TENM2: variants seen among roughly 807,000 people sequenced by gnomAD.
TENM2 encodes the protein teneurin-2.
TENM2 carries 52 observed loss-of-function variants against 245.2 expected under a neutral mutation model. The ratio of observed to expected loss-of-function variants is 0.21; its 90% CI spans 0.17 to 0.27. The LOEUF (loss-of-function observed/expected upper bound fraction) is 0.27, where lower values mean the gene tolerates loss of function less well. Ranked by LOEUF, TENM2 falls within the 10% of genes least tolerant of loss-of-function variation. TENM2 has a pLI of 1.00. For synonymous variants in TENM2, 1,363 were observed against 1,438.9 expected (o/e 0.95, Z 1.19); for missense variants, 3,046 against 3,666.8 (o/e 0.83, Z 4.37).
chr5:167,464,244 T>TAGAG (rs373765222), intron 2 of TENM2, among the ~76,000 whole-genome samples: 109 of 150,824 alleles, frequency 7.2e-4, no homozygotes, highest in Middle Eastern at 3.4e-3. Context: ...AAAGATGCTT[T>TAGAG]AGAGAGAGAG....
chr5:167,161,175 T>G, the TENM2 span, among the ~76,000 whole-genome samples: 1 of 152,154 alleles, frequency 6.6e-6, no homozygotes, highest in Non-Finnish European at 1.5e-5. Flanking sequence ...GCATTGTGAC[T>G]CTCCAAAAAA....
At chr5:167,184,355 G>A in the TENM2 span, among the ~76,000 whole-genome samples, 16 of 152,142 alleles carry the variant, frequency 1.1e-4, no homozygotes, top group Non-Finnish European at 2.1e-4. Flanking sequence ...GCAATAGTTA[G>A]CATTTATAGA....
intron 2 of TENM2, among the ~76,000 whole-genome samples, chr5:167,584,545 A>G (rs185204513): frequency 6.6e-6 from 1 of 152,236 alleles, no homozygotes; most frequent in Non-Finnish European, 1.5e-5. Flanking sequence ...CAAAGGGAGA[A>G]GCCGGCTGAG....
chr5:168,075,343 G>A (rs1791377361), intron 7 of TENM2, among the ~76,000 whole-genome samples: 1 of 152,064 alleles, frequency 6.6e-6, no homozygotes, highest in Non-Finnish European at 1.5e-5. Context: ...TGATTGATGG[G>A]GATTTGGGCT....
chr5:167,650,131 C>G (rs1332167503), intron 2 of TENM2, among the ~76,000 whole-genome samples: 4 of 152,146 alleles, frequency 2.6e-5, no homozygotes, highest in African/African-American at 9.7e-5. Flanking sequence ...GCCACAGGGT[C>G]TTTTTCCATA....
intron 2 of TENM2, among the ~76,000 whole-genome samples, chr5:167,636,224 A>G (rs1779201366): frequency 6.6e-6 from 1 of 152,236 alleles, no homozygotes; most frequent in Non-Finnish European, 1.5e-5. Context: ...CATTCTAAGT[A>G]TTAATAATTA....
chr5:167,309,980 T>C (rs1755924699), intron 1 of TENM2: 1 of 152,218 alleles, frequency 6.6e-6, no homozygotes, highest in Admixed American at 6.5e-5. Flanking sequence ...ACAGAGAAAA[T>C]AGCATCCTGA....
At chr5:167,838,161 T>A (rs1434963960) in intron 2 of TENM2, among the ~76,000 whole-genome samples, 2 of 152,262 alleles carry the variant, frequency 1.3e-5, no homozygotes, top group Non-Finnish European at 2.9e-5. Flanking sequence ...AATCTGATGC[T>A]TGGTGATACA....
At chr5:167,511,702 GC>G (rs1332432088) in intron 2 of TENM2, among the ~76,000 whole-genome samples, 3 of 152,148 alleles carry the variant, frequency 2.0e-5, no homozygotes, top group African/African-American at 7.2e-5. Flanking sequence ...TGTGCCATAA[GC>G]ATTGCAAGAA....
At chr5:168,078,587 AT>A (rs1791691555) in intron 7 of TENM2, among the ~76,000 whole-genome samples, 1 of 152,114 alleles carries the variant, frequency 6.6e-6, no homozygotes, top group African/African-American at 2.4e-5. Context: ...TCTTTAATCC[AT>A]TTTGAATTAA....
intron 2 of TENM2, among the ~76,000 whole-genome samples, chr5:167,632,747 A>G (rs1404629163): frequency 2.0e-5 from 3 of 152,200 alleles, no homozygotes; most frequent in African/African-American, 7.2e-5. Flanking sequence ...TACCTGGCAC[A>G]AAGTAGGCAC....
intron 20 of TENM2, among the ~76,000 whole-genome samples, chr5:168,214,062 A>G (rs17070005): frequency 0.22 from 33,114 of 152,216 alleles, 5,409 homozygotes; most frequent in East Asian, 0.52. Flanking sequence ...AATATCCAGT[A>G]TGATTGATTT....
At chr5:168,032,759 G>T (rs1329513089) in intron 5 of TENM2, among the ~76,000 whole-genome samples, 1 of 152,196 alleles carries the variant, frequency 6.6e-6, no homozygotes, top group East Asian at 1.9e-4. Flanking sequence ...CCTTTCCTCA[G>T]CCGCTGGTGT....
chr5:167,132,291 T>C, the TENM2 span, among the ~76,000 whole-genome samples: 1 of 152,142 alleles, frequency 6.6e-6, no homozygotes, highest in African/African-American at 2.4e-5. Context: ...CAGCATCACA[T>C]AGACTCTCTC....
chr5:167,181,246 T>C, the TENM2 span, among the ~76,000 whole-genome samples: 45 of 152,276 alleles, frequency 3.0e-4, 1 homozygote, highest in Admixed American at 1.5e-3. Context: ...TTCCCTGAAA[T>C]GAGGCTGTTT....
chr5:168,233,255 G>A (rs1765106593), intron 25 of TENM2, among the ~76,000 whole-genome samples: 1 of 152,176 alleles, frequency 6.6e-6, no homozygotes, highest in Non-Finnish European at 1.5e-5. Context: ...GAACCAGGGA[G>A]TCGGAGGTTG....
chr5:167,682,664 TG>T (rs1276354761), intron 2 of TENM2, among the ~76,000 whole-genome samples: 7 of 152,156 alleles, frequency 4.6e-5, no homozygotes, highest in African/African-American at 1.7e-4. Flanking sequence ...CGTATTTATA[TG>T]TACAGGCAGA....
chr5:167,517,672 T>G (rs367853611), intron 2 of TENM2, among the ~76,000 whole-genome samples: 1 of 152,240 alleles, frequency 6.6e-6, no homozygotes, highest in African/African-American at 2.4e-5. Context: ...CAAATGGAAG[T>G]TTTTATCTGG....
intron 2 of TENM2, among the ~76,000 whole-genome samples, chr5:167,542,367 C>T (rs934827165): frequency 1.3e-5 from 2 of 152,120 alleles, no homozygotes; most frequent in African/African-American, 4.8e-5. Flanking sequence ...CCCCTAGGAG[C>T]TCACCATCAG....
Sources: allele counts gnomAD v4.1 joint callset (sites outside exome capture counted in the v4.1 genomes callset), GRCh38; gene constraint gnomAD v4.1.1; transcripts MANE v1.5; gene names NCBI Gene and HGNC (gene_info 2026-07-23, HGNC 2026-07-21).